Variants in SCN10A observed in about 807,000 individuals in gnomAD.
SCN10A encodes the protein sodium channel protein type 10 subunit alpha.
A neutral mutation model predicts 170.7 loss-of-function variants in SCN10A; 162 were observed. That is an observed-to-expected ratio of 0.95 (90% CI 0.84 to 1.08). The LOEUF is 1.08. SCN10A is among the 50% of genes least tolerant of loss of function. SCN10A has a pLI of 0.00. For synonymous variants in SCN10A, 985 were observed against 904.6 expected (o/e 1.09, Z -1.59); for missense variants, 2,527 against 2,436.9 (o/e 1.04, Z -0.78).
At position 38,718,754 on chromosome 3, in the gene SCN10A, T is replaced by G; in HGVS notation, c.3580A>C (p.Thr1194Pro). The G allele has an allele frequency of 6.2e-7, 1 of 1,614,172 alleles. No homozygotes were observed. Among genetic ancestry groups the G allele is most frequent in the Non-Finnish European group, 8.5e-7 (1 of 1,180,024 alleles). ...AGCATCTCGAACACAAAGATAAAGG[T>G]GAAGACCCTGTCAGTGTACTCCAGC... ...ALLEYTDRVF[T>P]FIFVFEMLLK... The change falls in exon 21 of 28, where the codon ACC becomes CCC. Residue 1194 changes from threonine to proline, a missense_variant. Transcript: ENST00000449082.
At chr3:38,731,275 A>C (rs2063510715) in intron 15 of SCN10A, among the ~76,000 whole-genome samples, 2 of 152,238 alleles carry the variant, frequency 1.3e-5, no homozygotes, top group Non-Finnish European at 2.9e-5. Flanking sequence ...CAAACTGAAG[A>C]GCAAATTTCA....
Position 38,725,532 on chromosome 3 carries a change from T to G in SCN10A, c.3088-218A>C, listed in dbSNP as rs79868348. Reference sequence around the variant, plus strand: ...CTTGGGCTCCATTAATTATAAGATGTGTGACCTTAGGCAAGTTGTTTAACC... The same window carrying G: ...CTTGGGCTCCATTAATTATAAGATGGGTGACCTTAGGCAAGTTGTTTAACC... On this transcript the variant is annotated intron_variant, in intron 17 of 27. Transcript: ENST00000449082. 4.5e-3 allele frequency among the ~76,000 whole-genome samples: 686 copies of G among 152,388 alleles called. 9 individuals are homozygous for G. The highest frequency in any genetic ancestry group is 0.015 in the African/African-American group (642 of 41,594).
At chr3:38,733,149 T>C (rs1231773340) in intron 15 of SCN10A, among the ~76,000 whole-genome samples, 2 of 152,200 alleles carry the variant, frequency 1.3e-5, no homozygotes, top group Non-Finnish European at 2.9e-5. Flanking sequence ...TTGAAGTAAT[T>C]GTATTGTGAA....
chr3:38,759,470 C>T (rs1198934122), intron 8 of SCN10A, among the ~76,000 whole-genome samples: 3 of 152,092 alleles, frequency 2.0e-5, no homozygotes, highest in Non-Finnish European at 4.4e-5. Flanking sequence ...GAAGCCTTCC[C>T]TACTTTCTCT....
intron 4 of SCN10A, among the ~76,000 whole-genome samples, chr3:38,788,504 A>T (rs1170048273): frequency 1.3e-5 from 2 of 151,900 alleles, no homozygotes; most frequent in African/African-American, 4.8e-5. Flanking sequence ...ATTTGTTCTT[A>T]GTTCTGTCTC....
rs143208505 is a variant in SCN10A, at chr3:38,722,394, G to A, written c.3371C>T (p.Pro1124Leu). Residue 1124 changes from proline to leucine, a missense_variant, in exon 20 of 28, where the codon CCC becomes CTC. Coordinates refer to ENST00000449082, the MANE Select transcript of SCN10A (RefSeq NM_006514.4). ...CFTEGCIRHC[P>L]CCKLDTTKSP... ...CTTGGTGGTATCCAGTTTGCAGCAG[G>A]GACAGTGGCGAATGCATCCTGTGGG... 6 of 1,613,716 alleles carry A rather than the reference G, an allele frequency of 3.7e-6. No individual in the cohort carries two copies. The African/African-American group carries it at 5.3e-5, about 14-fold the overall frequency.
At chr3:38,789,067 A>C in intron 3 of SCN10A, 31 bp from the exon 4 acceptor site, 1 of 1,296,576 alleles carries the variant, frequency 7.7e-7, no homozygotes, top group South Asian at 1.2e-5. Flanking sequence ...AAAAGCTGAG[A>C]TCACCAAGTC....
At position 38,723,371 on chromosome 3, in the gene SCN10A, CA is replaced by C; in HGVS notation, c.3352+58del. 3 of 1,605,594 alleles carry C rather than the reference CA, an allele frequency of 1.9e-6. No individual in the cohort carries two copies. The South Asian group carries it at 3.3e-5, about 18-fold the overall frequency. ...TGTGGATCCCAGGTGAGTGTTCGCT[CA>C]ACTGGATTCTGGCCCTAATTAACAT... On this transcript the variant is annotated intron_variant, in intron 19 of 27. Transcript: ENST00000449082.
intron 7 of SCN10A, 24 bp downstream of exon 7, chr3:38,761,168 C>T (rs1481315358): frequency 6.5e-7 from 1 of 1,544,880 alleles, no homozygotes; most frequent in African/African-American, 1.3e-5. Context: ...AGACCTTGGT[C>T]CCTATGGAAG....
intron 4 of SCN10A, among the ~76,000 whole-genome samples, chr3:38,777,024 T>G (rs1466139323): frequency 6.6e-6 from 1 of 151,670 alleles, no homozygotes; most frequent in Non-Finnish European, 1.5e-5. Context: ...ATGGAAAAAA[T>G]TGATATAAAA....
At position 38,707,380 on chromosome 3, in the gene SCN10A, C is replaced by T; in HGVS notation, c.4285G>A (p.Gly1429Arg). ...TCTGTCATGAAGATGTCCTGGCCCCCTAAGTGCAGAGAGGGCCACACTGTT... is the reference window on the plus strand; with the variant it reads ...TCTGTCATGAAGATGTCCTGGCCCCTTAAGTGCAGAGAGGGCCACACTGTT... ...DNFNQQKKKL[G>R]GQDIFMTEEQ... The change falls in exon 26 of 28, where the codon GGG becomes AGG. Residue 1429 changes from glycine (G) to arginine (R), a missense_variant. Gly to Arg is a moderately radical substitution (Grantham distance 125). Coordinates refer to ENST00000449082, the MANE Select transcript of SCN10A (RefSeq NM_006514.4). 1 of 1,614,036 alleles carries T rather than the reference C, an allele frequency of 6.2e-7. No homozygotes were observed. The highest frequency in any genetic ancestry group is 8.5e-7 in the Non-Finnish European group (1 of 1,179,946).
At chr3:38,807,105 G>A (rs1246267408) in intron 1 of SCN10A, among the ~76,000 whole-genome samples, 3 of 152,168 alleles carry the variant, frequency 2.0e-5, no homozygotes, top group Non-Finnish European at 4.4e-5. Flanking sequence ...AGTTCTTACA[G>A]TTTTTAAAGC....
chr3:38,783,913 A>G (rs2064168298), intron 4 of SCN10A, among the ~76,000 whole-genome samples: 1 of 152,242 alleles, frequency 6.6e-6, no homozygotes, highest in East Asian at 1.9e-4. Context: ...AACATGTAAT[A>G]AAATCTCAGT....
chr3:38,748,800 AT>A (rs1251737459), intron 13 of SCN10A, among the ~76,000 whole-genome samples: 2 of 152,012 alleles, frequency 1.3e-5, no homozygotes, highest in Non-Finnish European at 2.9e-5. Flanking sequence ...CTTTCCCCAG[AT>A]TTTCTTAAAA....
rs149673049 is a variant in SCN10A at position 38,748,452 on chromosome 3, G to A, written c.1867+1621C>T. Among the ~76,000 whole-genome samples, 178 of 152,352 alleles carry A rather than the reference G, an allele frequency of 1.2e-3. 2 individuals are homozygous for A. Among genetic ancestry groups the A allele is most frequent in the Non-Finnish European group, 1.1e-3 (76 of 68,034 alleles). On this transcript the variant is annotated intron_variant, in intron 13 of 27. Transcript: ENST00000449082. The stretch of plus-strand genomic sequence containing the variant: ...GCTTCAAGTCCTCACCATGGGAACT[G>A]TCTCTTGTTAAGTCAATGTTGGGTA...
rs1360902261 is a variant in SCN10A at position 38,701,974 on chromosome 3, G to A, written c.4522C>T (p.Leu1508=). The A allele has an allele frequency of 2.5e-6, 4 of 1,614,034 alleles. No individual in the cohort carries two copies. Among genetic ancestry groups the A allele is most frequent in the East Asian group, 2.2e-5 (1 of 44,882 alleles). The change falls in exon 27 of 28, where the codon CTG becomes TTG. Residue 1508 remains leucine, a synonymous_variant. Coordinates refer to ENST00000449082, the MANE Select transcript of SCN10A (RefSeq NM_006514.4). ...DDQSEEKTKI[L]GKINQFFVAV... ...ACAAAGAACTGGTTGATTTTGCCCA[G>A]AATTTTCGTCTTTTCTTCACTTTGG...
intron 24 of SCN10A, among the ~76,000 whole-genome samples, chr3:38,710,503 T>G (rs923915533): frequency 6.6e-6 from 1 of 152,174 alleles, no homozygotes; most frequent in Non-Finnish European, 1.5e-5. Flanking sequence ...CATTCCTCCC[T>G]ATGCACCTTG....
intron 1 of SCN10A, among the ~76,000 whole-genome samples, chr3:38,802,923 A>C (rs2064381499): frequency 6.6e-6 from 1 of 152,224 alleles, no homozygotes; most frequent in South Asian, 2.1e-4. Context: ...TAATATCCAG[A>C]ATCTACAAAG....
At chr3:38,716,401 T>C (rs2063334319) in intron 21 of SCN10A, among the ~76,000 whole-genome samples, 1 of 152,004 alleles carries the variant, frequency 6.6e-6, no homozygotes, top group South Asian at 2.1e-4. Flanking sequence ...GATGTGACGG[T>C]ATTATAAGGG....
Sources: allele counts gnomAD v4.1 joint callset (sites outside exome capture counted in the v4.1 genomes callset), GRCh38; gene constraint gnomAD v4.1.1; transcripts MANE v1.5; gene names NCBI Gene and HGNC (gene_info 2026-07-23, HGNC 2026-07-21).